The following DCLK2 variants were observed in gnomAD, a reference collection of about 807,000 sequenced individuals.
DCLK2 encodes the protein serine/threonine-protein kinase DCLK2.
In DCLK2, 31 loss-of-function variants were observed where a neutral mutation model predicts 78.4. The ratio of observed to expected loss-of-function variants is 0.40; its 90% CI spans 0.30 to 0.53. DCLK2 has a LOEUF of 0.53. Among genes scored for constraint, DCLK2 ranks in the 20% least tolerant of loss-of-function variants. The pLI is 0.61. For missense variants in DCLK2, 872 were observed against 973.7 expected (o/e 0.90, Z 1.39); for synonymous variants, 407 against 374.9 (o/e 1.09, Z -0.99).
chr4:150,232,846 T>G lies in DCLK2; in HGVS notation c.1566+18T>G, dbSNP rs758799693. On this transcript the variant is annotated intron_variant, in intron 10 of 15. Coordinates refer to ENST00000296550, the MANE Select transcript of DCLK2 (RefSeq NM_001040260.4). ...ATCTCTTGGTATGTCATCCCTGCTT[T>G]TTCTGTTCCAATGAATGCCTCTCTT... The G allele has an allele frequency of 6.2e-7, 1 of 1,606,074 alleles. No homozygotes were observed. Among genetic ancestry groups the G allele is most frequent in the Non-Finnish European group, 8.5e-7 (1 of 1,174,612 alleles).
At chr4:150,251,855 C>T (rs908576076) in intron 15 of DCLK2, among the ~76,000 whole-genome samples, 4 of 151,048 alleles carry the variant, frequency 2.6e-5, no homozygotes, top group Non-Finnish European at 5.9e-5. Context: ...TCTCTTCTGT[C>T]CCCCGGCTGC....
intron 15 of DCLK2, 134 bp from the exon 16 acceptor site, chr4:150,255,886 T>C: frequency 7.0e-7 from 1 of 1,422,392 alleles, no homozygotes; most frequent in South Asian, 1.5e-5. Context: ...GTGAGGCTTC[T>C]GTTAGAAGCT....
rs1450878744 is a variant in DCLK2 at position 150,087,718 on chromosome 4, G to A, written c.421+8270G>A. Reference sequence around the variant, plus strand: ...TGTCTAGATTCTTCTTGGCCTCTGTGAGCAACATTCCTTTCTTCTGGGTGT... The same window carrying A: ...TGTCTAGATTCTTCTTGGCCTCTGTAAGCAACATTCCTTTCTTCTGGGTGT... On this transcript the variant is annotated intron_variant, in intron 1 of 15. Transcript: ENST00000296550. Among the ~76,000 whole-genome samples, 4 of 152,316 alleles carry A rather than the reference G, an allele frequency of 2.6e-5. No individual in the cohort carries two copies. The East Asian group carries it at 7.7e-4, about 29-fold the overall frequency.
chr4:150,255,285 T>C lies in DCLK2; in HGVS notation c.2074-735T>C, dbSNP rs1483051483. On this transcript the variant is annotated intron_variant, in intron 15 of 15. Coordinates refer to ENST00000296550, the MANE Select transcript of DCLK2 (RefSeq NM_001040260.4). ...TTGGGAAGCCCATTGAGATGGCAGC[T>C]TGATGGGCTTCCCTGGACAAGCAGG... Among the ~76,000 whole-genome samples, 3 of 152,230 alleles carry C rather than the reference T, an allele frequency of 2.0e-5. No homozygotes were observed. In the East Asian group the frequency reaches 5.8e-4, roughly 29 times the overall value.
At chr4:150,121,296 C>T (rs922126457) in intron 2 of DCLK2, among the ~76,000 whole-genome samples, 3 of 152,208 alleles carry the variant, frequency 2.0e-5, no homozygotes, top group African/African-American at 4.8e-5. Context: ...CCTTCCAAGT[C>T]CTGCTGCTGC....
chr4:150,111,611 A>G (rs1169731289), intron 2 of DCLK2, among the ~76,000 whole-genome samples: 2 of 152,108 alleles, frequency 1.3e-5, no homozygotes, highest in East Asian at 1.9e-4. Flanking sequence ...TATGGCTTCA[A>G]GTCTTAGATT....
chr4:150,103,319 A>C (rs1352556186), intron 2 of DCLK2, among the ~76,000 whole-genome samples: 1 of 152,220 alleles, frequency 6.6e-6, no homozygotes, highest in African/African-American at 2.4e-5. Flanking sequence ...CATAGGGAGC[A>C]ATGGAGGTAA....
Position 150,098,685 on chromosome 4 carries a change from G to GT in DCLK2, c.422-3787dup, listed in dbSNP as rs1296178027. Among the ~76,000 whole-genome samples the GT allele has an allele frequency of 1.5e-4, 21 of 140,410 alleles. No homozygotes were observed. In the East Asian group the frequency reaches 3.7e-3, roughly 25 times the overall value. 92.1% of individuals were successfully genotyped at this position (140,410 alleles called of 152,430 possible). A position where few individuals can be genotyped will look rare whatever the true frequency, so the allele number is the denominator to read the frequency against. On this transcript the variant is annotated intron_variant, in intron 1 of 15. Transcript: ENST00000296550. ...TTAACAAAGTCTCTCATACTGTGGG[G>GT]TTTTTTCTTTTTCTTTTTTTTTTTT...
chr4:150,162,480 T>C (rs1052077739), intron 2 of DCLK2, among the ~76,000 whole-genome samples: 1 of 152,218 alleles, frequency 6.6e-6, no homozygotes, highest in Non-Finnish European at 1.5e-5. Flanking sequence ...TCATAAAATT[T>C]CCATCCCATG....
At chr4:150,172,572 A>G (rs998452556) in intron 2 of DCLK2, among the ~76,000 whole-genome samples, 16 of 140,672 alleles carry the variant, frequency 1.1e-4, no homozygotes, top group Non-Finnish European at 1.8e-4. Context: ...GCGCCACTGC[A>G]CTCCAGCCTG....
intron 2 of DCLK2, among the ~76,000 whole-genome samples, chr4:150,169,504 T>C (rs750797676): frequency 1.3e-5 from 2 of 151,926 alleles, no homozygotes; most frequent in African/African-American, 2.4e-5. Context: ...ACTAAAAATA[T>C]GAAAGTAGCC....
chr4:150,146,338 A>C (rs900560875), intron 2 of DCLK2, among the ~76,000 whole-genome samples: 1 of 152,252 alleles, frequency 6.6e-6, no homozygotes, highest in Non-Finnish European at 1.5e-5. Context: ...TTCAGAGTCT[A>C]CAATTTCACA....
At position 150,126,579 on chromosome 4, in the gene DCLK2, T is replaced by G. The variant is rs567798552; in HGVS notation, c.756+23767T>G. Among the ~76,000 whole-genome samples the G allele has an allele frequency of 2.4e-4, 36 of 152,330 alleles. 1 individual carries two copies. The highest frequency in any genetic ancestry group is 1.8e-3 in the Admixed American group (27 of 15,302). On this transcript the variant is annotated intron_variant, in intron 2 of 15. Transcript: ENST00000296550. ...ATCTCAGGAGATGGTAATATGTATT[T>G]TAGGTCTTTTTTTAGGGCTTTACAA... is the stretch of plus-strand genomic sequence containing the variant.
At chr4:150,198,145 A>G in intron 4 of DCLK2, 42 bp downstream of exon 4, 1 of 1,523,720 alleles carries the variant, frequency 6.6e-7, no homozygotes. Context: ...GCAGGAACAG[A>G]TCATTTTCCT....
At chr4:150,114,272 G>C (rs1043080233) in intron 2 of DCLK2, among the ~76,000 whole-genome samples, 1 of 152,138 alleles carries the variant, frequency 6.6e-6, no homozygotes. Flanking sequence ...ATGTTCTAGA[G>C]TGTAGCTTAA....
chr4:150,240,486 C>T lies in DCLK2; in HGVS notation c.1778+10C>T. ...TCCCACCATTCCGAAGGTAGGCGGCCTTTTGGGCGACGTATTTGAATTGCA... is the reference window on the plus strand; with the variant it reads ...TCCCACCATTCCGAAGGTAGGCGGCTTTTTGGGCGACGTATTTGAATTGCA... On this transcript the variant is annotated intron_variant, in intron 12 of 15. Transcript: ENST00000296550. 2 of 1,598,196 alleles carry T rather than the reference C, an allele frequency of 1.3e-6. No individual in the cohort carries two copies. Among genetic ancestry groups the T allele is most frequent in the Non-Finnish European group, 8.5e-7 (1 of 1,169,764 alleles).
intron 8 of DCLK2, among the ~76,000 whole-genome samples, chr4:150,232,084 C>T (rs921959170): frequency 1.3e-5 from 2 of 152,180 alleles, no homozygotes; most frequent in Non-Finnish European, 2.9e-5. Flanking sequence ...ATGCTTAATA[C>T]ACCACAGAAG....
intron 2 of DCLK2, among the ~76,000 whole-genome samples, chr4:150,129,880 GTGCC>G (rs1310317745): frequency 8.6e-5 from 13 of 151,756 alleles, no homozygotes; most frequent in Admixed American, 8.5e-4. Flanking sequence ...TTTTGAAGAG[GTGCC>G]TAATCTCCAT....
intron 5 of DCLK2, among the ~76,000 whole-genome samples, chr4:150,211,741 C>T (rs1159833563): frequency 6.6e-6 from 1 of 152,084 alleles, no homozygotes; most frequent in Admixed American, 6.5e-5. Flanking sequence ...CCTAGAATCC[C>T]ACCCCTGTGG....
Sources: gnomAD v4.1 joint callset for allele counts (sites outside exome capture counted in the v4.1 genomes callset) on GRCh38, gnomAD v4.1.1 for gene constraint, MANE v1.5 for transcripts, NCBI Gene and HGNC (gene_info 2026-07-23, HGNC 2026-07-21) for gene names.